Variants in GLIS3 observed in about 807,000 individuals in gnomAD.
The protein encoded by GLIS3 is GLIS family zinc finger 3, also known as zinc finger protein GLIS3.
Under a neutral mutation model 78.6 loss-of-function variants are expected in GLIS3, and 53 were observed. The observed-to-expected ratio is 0.67, with a 90% CI of 0.54 to 0.85. The LOEUF (loss-of-function observed/expected upper bound fraction) is 0.85, where lower values mean the gene tolerates loss of function less well. Among genes scored for constraint, GLIS3 ranks in the 40% least tolerant of loss-of-function variants. GLIS3 has a pLI of 0.00. For missense variants in GLIS3, 1,703 were observed against 1,231.1 expected, an observed-to-expected ratio of 1.38 and a Z score of -5.74; for synonymous variants, 684 against 509.9, an observed-to-expected ratio of 1.34 and a Z score of -4.60.
At chr9:4,458,941 G>C in the GLIS3 span, among the ~76,000 whole-genome samples, 2 of 152,212 alleles carry the variant, frequency 1.3e-5, no homozygotes, top group Non-Finnish European at 2.9e-5. Context: ...GTGACAGGAA[G>C]AGTGATAAGA....
At chr9:4,293,717 G>C (rs905325288) in intron 1 of GLIS3, among the ~76,000 whole-genome samples, 4 of 152,228 alleles carry the variant, frequency 2.6e-5, no homozygotes, top group South Asian at 2.1e-4. Context: ...TAGAACTTTA[G>C]AAATCACTGG....
In GLIS3 at chr9:4,009,956, A is replaced by G. The variant is rs181171062; in HGVS notation, c.1711-72767T>C. 1.7e-4 allele frequency among the ~76,000 whole-genome samples: 26 copies of G among 152,262 alleles called. No individual in the cohort carries two copies. In the East Asian group the frequency reaches 5.0e-3, roughly 29 times the overall value. ...CTGCTCCCAAGTTTTCCTCTGCCAA[A>G]CTGCTCAGCAGAGTGTGGAGCATGG... On this transcript the variant is annotated intron_variant, in intron 4 of 10. Transcript: ENST00000381971.
intron 2 of GLIS3, among the ~76,000 whole-genome samples, chr9:4,166,082 C>G (rs1835865771): frequency 6.6e-6 from 1 of 152,214 alleles, no homozygotes; most frequent in South Asian, 2.1e-4. Flanking sequence ...TCAGGCAAAG[C>G]ATGGAACTTC....
chr9:4,263,163 T>G (rs146511729), intron 2 of GLIS3, among the ~76,000 whole-genome samples: 8 of 152,304 alleles, frequency 5.3e-5, no homozygotes, highest in African/African-American at 1.9e-4. Flanking sequence ...CTTTTAAAAG[T>G]GTTCCACATT....
chr9:4,086,642 C>T (rs367954158), intron 4 of GLIS3, among the ~76,000 whole-genome samples: 3 of 152,288 alleles, frequency 2.0e-5, no homozygotes. Context: ...ACGGACTTTC[C>T]ACTGTATGTC....
At chr9:4,298,680 TAAA>T (rs1329300651) in intron 1 of GLIS3, among the ~76,000 whole-genome samples, 2 of 151,976 alleles carry the variant, frequency 1.3e-5, no homozygotes, top group Admixed American at 1.3e-4. Flanking sequence ...TCGGGCCCCA[TAAA>T]AAATGTAAAC....
chr9:3,879,774 G>T (rs1169210031), intron 7 of GLIS3, among the ~76,000 whole-genome samples, 179 bp from the exon 8 acceptor site: 2 of 152,110 alleles, frequency 1.3e-5, no homozygotes, highest in African/African-American at 4.8e-5. Flanking sequence ...GGTGGAACAG[G>T]TTCCTCCGGA....
At chr9:3,861,188 C>G (rs1216520205) in intron 8 of GLIS3, among the ~76,000 whole-genome samples, 2 of 152,066 alleles carry the variant, frequency 1.3e-5, no homozygotes, top group Non-Finnish European at 2.9e-5. Context: ...AGACTGTGGT[C>G]CCAGCAATGT....
intron 8 of GLIS3, among the ~76,000 whole-genome samples, chr9:3,876,974 C>A (rs1028706442): frequency 1.3e-5 from 2 of 151,948 alleles, no homozygotes; most frequent in Admixed American, 6.5e-5. Flanking sequence ...GTCTTTGACT[C>A]TGATAATAAT....
At chr9:4,340,011 A>T (rs1817812503) in intron 2 of GLIS3, among the ~76,000 whole-genome samples, 1 of 151,658 alleles carries the variant, frequency 6.6e-6, no homozygotes, top group Non-Finnish European at 1.5e-5. Flanking sequence ...GACTAGGGAG[A>T]AGTCAACATT....
chr9:4,275,476 T>A (rs1229417355), intron 2 of GLIS3, among the ~76,000 whole-genome samples: 4 of 151,904 alleles, frequency 2.6e-5, no homozygotes, highest in Non-Finnish European at 1.5e-5. Flanking sequence ...AGAATGAGAT[T>A]GGGCAGAGCA....
chr9:3,915,374 G>A (rs955901222), intron 6 of GLIS3, among the ~76,000 whole-genome samples: 1 of 152,058 alleles, frequency 6.6e-6, no homozygotes, highest in African/African-American at 2.4e-5. Context: ...GTCAGTGGCT[G>A]CTCACGGTAT....
chr9:4,291,356 G>T (rs1187260266), intron 1 of GLIS3, among the ~76,000 whole-genome samples: 1 of 152,028 alleles, frequency 6.6e-6, no homozygotes, highest in East Asian at 1.9e-4. Flanking sequence ...GAACATGAGG[G>T]ACCTCACCTA....
chr9:4,313,494 C>T (rs1229315486), intron 2 of GLIS3, among the ~76,000 whole-genome samples: 2 of 152,158 alleles, frequency 1.3e-5, no homozygotes, highest in Non-Finnish European at 2.9e-5. Flanking sequence ...TTTCTCTAAC[C>T]TCCGCGTGGC....
intron 2 of GLIS3, among the ~76,000 whole-genome samples, chr9:4,231,338 T>C (rs571329762): frequency 6.6e-6 from 1 of 152,256 alleles, no homozygotes; most frequent in East Asian, 1.9e-4. Flanking sequence ...TTACTTTACC[T>C]AAGAGGAAGC....
intron 2 of GLIS3, among the ~76,000 whole-genome samples, chr9:4,271,823 C>T (rs1031966278): frequency 6.6e-6 from 1 of 152,128 alleles, no homozygotes; most frequent in Non-Finnish European, 1.5e-5. Context: ...CCCAACAGTA[C>T]ATAGTAAGAT....
intron 6 of GLIS3, among the ~76,000 whole-genome samples, chr9:3,900,561 TTAAAA>T (rs1823218194): frequency 6.6e-6 from 1 of 152,172 alleles, no homozygotes; most frequent in South Asian, 2.1e-4. Flanking sequence ...AAAATGTAAC[TTAAAA>T]TGTCTTAAAT....
intron 2 of GLIS3, among the ~76,000 whole-genome samples, chr9:4,200,328 T>G (rs572869465): frequency 6.7e-6 from 1 of 150,296 alleles, no homozygotes; most frequent in African/African-American, 2.4e-5. Context: ...AAAAAAAAAT[T>G]GAGACCCAGA....
intron 4 of GLIS3, among the ~76,000 whole-genome samples, chr9:4,019,485 CCTA>C (rs1822700113): frequency 6.6e-6 from 1 of 152,116 alleles, no homozygotes; most frequent in South Asian, 2.1e-4. Context: ...GTATTGAGTG[CCTA>C]CTATGTGCCA....
Sources: gnomAD v4.1 joint callset for allele counts (sites outside exome capture counted in the v4.1 genomes callset) on GRCh38, gnomAD v4.1.1 for gene constraint, MANE v1.5 for transcripts, NCBI Gene and HGNC (gene_info 2026-07-23, HGNC 2026-07-21) for gene names.